The following TOP2A variants were observed in gnomAD, a reference collection of about 807,000 sequenced individuals.
The protein encoded by TOP2A is DNA topoisomerase 2-alpha.
In TOP2A, 68 loss-of-function variants were observed where a neutral mutation model predicts 187.2. The ratio of observed to expected loss-of-function variants is 0.36; its 90% CI spans 0.30 to 0.44. TOP2A has a LOEUF of 0.44. Among genes scored for constraint, TOP2A ranks in the 20% least tolerant of loss-of-function variants. The pLI, the probability that TOP2A is intolerant of heterozygous loss-of-function variation, is 1.00. For missense variants in TOP2A, 1,196 were observed against 1,808.7 expected (o/e 0.66, Z 6.14); for synonymous variants, 542 against 593.2 (o/e 0.91, Z 1.25).
Position 40,400,226 on chromosome 17 carries a change from G to C in TOP2A, c.2983C>G (p.Leu995Val), listed in dbSNP as rs780186261. ...LHKVFKLQTS[L>V]TCNSMVLFDH... is the part of the protein sequence containing the mutation. ...ATACATACCATAGAGTTGCATGTGA[G>C]ACTAGTTTGGAGTTTGAAGACTTTG... Residue 995 changes from leucine (L) to valine (V), a missense_variant, in exon 23 of 35, where the codon CTC (leucine) becomes GTC (valine). By Grantham distance (32) the Leu-to-Val change is conservative. This residue lies in a region of TOP2A where 232 missense variants were observed against 306.1 expected (regional missense o/e 0.76). Coordinates refer to ENST00000423485, the MANE Select transcript of TOP2A (RefSeq NM_001067.4). The C allele has an allele frequency of 6.2e-7, 1 of 1,613,854 alleles. No individual in the cohort carries two copies. The highest frequency in any genetic ancestry group is 1.1e-5 in the South Asian group (1 of 91,082).
chr17:40,407,746 G>A, intron 12 of TOP2A, 72 bp from the exon 13 acceptor site: 1 of 1,416,014 alleles, frequency 7.1e-7, no homozygotes, highest in Admixed American at 2.9e-5. Context: ...AACAGTATAT[G>A]TTGCTTGGAT....
chr17:40,395,210 G>C (rs1169861241), intron 29 of TOP2A, among the ~76,000 whole-genome samples: 1 of 150,616 alleles, frequency 6.6e-6, no homozygotes, highest in Admixed American at 6.7e-5. Flanking sequence ...TTGAACCCAG[G>C]AGGTGAAGAT....
chr17:40,397,291 T>A (rs1325499571), intron 27 of TOP2A, among the ~76,000 whole-genome samples: 1 of 151,102 alleles, frequency 6.6e-6, no homozygotes, highest in African/African-American at 2.4e-5. Context: ...TCTCCTTTTT[T>A]TTTTTTTTTT....
chr17:40,406,744 C>T, intron 14 of TOP2A, 55 bp from the exon 15 acceptor site: 1 of 1,566,822 alleles, frequency 6.4e-7, no homozygotes, highest in Non-Finnish European at 8.8e-7. Flanking sequence ...CCCTGTATAC[C>T]ACTACATGTG....
chr17:40,400,920 G>C lies in TOP2A; in HGVS notation c.2594C>G (p.Pro865Arg), dbSNP rs1190028355. The change falls in exon 21 of 35, where the codon CCC becomes CGC. Residue 865 changes from proline to arginine, a missense_variant. Coordinates refer to ENST00000423485, the MANE Select transcript of TOP2A (RefSeq NM_001067.4). ...GIGTGWSCKI[P>R]NFDVREIVNN... ...TACAATTTCACGCACATCAAAGTTG[G>C]GGATTTTGCAGGACCACCCAGTACC... is the stretch of plus-strand genomic sequence containing the variant. The C allele has an allele frequency of 6.2e-7, 1 of 1,613,876 alleles. No individual in the cohort carries two copies. The highest frequency in any genetic ancestry group is 1.3e-5 in the African/African-American group (1 of 74,976).
chr17:40,398,525 A>C (rs889624495), intron 27 of TOP2A, 33 bp downstream of exon 27: 1 of 1,506,028 alleles, frequency 6.6e-7, no homozygotes, highest in Non-Finnish European at 9.0e-7. Flanking sequence ...TTCATTAATA[A>C]AAATTCTAAC....
At chr17:40,389,728 T>C in intron 34 of TOP2A, 81 bp from the exon 35 acceptor site, 2 of 1,496,124 alleles carry the variant, frequency 1.3e-6, no homozygotes, top group Non-Finnish European at 1.8e-6. Flanking sequence ...ATCAAGACAC[T>C]ATATTCAAGG....
At chr17:40,402,775 T>A (rs1430025472) in intron 20 of TOP2A, 131 bp downstream of exon 20, 1 of 915,856 alleles carries the variant, frequency 1.1e-6, no homozygotes, top group African/African-American at 1.7e-5. Context: ...TGTATAAGCC[T>A]CACCCCTGGC....
intron 1 of TOP2A, among the ~76,000 whole-genome samples, chr17:40,417,363 C>A (rs1290797439): frequency 1.3e-5 from 2 of 152,104 alleles, no homozygotes; most frequent in African/African-American, 4.8e-5. Flanking sequence ...TGTAAGCTGG[C>A]CAGCTGCTCC....
intron 33 of TOP2A, chr17:40,391,182 A>G (rs950784426): frequency 2.5e-5 from 5 of 198,816 alleles, no homozygotes; most frequent in African/African-American, 1.2e-4. Flanking sequence ...TAGCCTCCCA[A>G]AGTGCTGGGA....
chr17:40,395,323 A>T, intron 29 of TOP2A, 126 bp downstream of exon 29: 11 of 340,042 alleles, frequency 3.2e-5, no homozygotes, highest in Middle Eastern at 9.8e-4. Context: ...AGTAGAATTG[A>T]GATACAGTCC....
chr17:40,398,534 A>C (rs1428421984), intron 27 of TOP2A, 24 bp downstream of exon 27: 5 of 1,530,846 alleles, frequency 3.3e-6, no homozygotes, highest in Non-Finnish European at 4.4e-6. Context: ...AAAAATTCTA[A>C]CATGGGCATT....
intron 18 of TOP2A, 45 bp from the exon 19 acceptor site, chr17:40,404,318 C>T: frequency 6.2e-7 from 1 of 1,608,334 alleles, no homozygotes; most frequent in Non-Finnish European, 8.5e-7. Context: ...TCAATTTAAC[C>T]AATTTTGGAA....
Position 40,400,407 on chromosome 17 carries a change from T to C in TOP2A, c.2802A>G (p.Thr934=). 7 of 1,613,056 alleles carry C rather than the reference T, an allele frequency of 4.3e-6. No individual in the cohort carries two copies. Among genetic ancestry groups the C allele is most frequent in the Non-Finnish European group, 5.1e-6 (6 of 1,179,644 alleles). Residue 934 remains threonine, a splice_region_variant and synonymous_variant, in exon 23 of 35, where the codon ACA becomes ACG. Coordinates refer to ENST00000423485, the MANE Select transcript of TOP2A (RefSeq NM_001067.4). ...TGGGTTCTAGAACTTGTTCTTTGTA[T>C]GTCTAAAGAAAGAAATAATCCTGAA... ...SELPVRTWTQ[T]YKEQVLEPML... is the part of the protein sequence containing the mutation.
chr17:40,413,840 T>C (rs1271793013), intron 4 of TOP2A, among the ~76,000 whole-genome samples: 4 of 151,862 alleles, frequency 2.6e-5, no homozygotes, highest in Non-Finnish European at 5.9e-5. Flanking sequence ...CTACTAAAAA[T>C]AAAAAAAATT....
At position 40,389,598 on chromosome 17, in the gene TOP2A, A is replaced by G; in HGVS notation, c.4517T>C (p.Val1506Ala). Residue 1506 changes from valine to alanine, a missense_variant, in exon 35 of 35, where the codon GTG (valine) becomes GCG (alanine). Val to Ala is a moderately conservative substitution (Grantham distance 64). Transcript: ENST00000423485. ...CCGTACAGATTTTGCCCGAGGAGCCACAGCTGAGTCAAAGTCCATATGGAA... is the reference window on the plus strand; with the variant it reads ...CCGTACAGATTTTGCCCGAGGAGCCGCAGCTGAGTCAAAGTCCATATGGAA... ...DDFHMDFDSA[V>A]APRAKSVRAK... The G allele has an allele frequency of 6.2e-7, 1 of 1,604,254 alleles. No homozygotes were observed. Among genetic ancestry groups the G allele is most frequent in the Non-Finnish European group, 8.5e-7 (1 of 1,174,328 alleles).
Position 40,411,231 on chromosome 17 carries a change from A to G in TOP2A, c.1081T>C (p.Trp361Arg), listed in dbSNP as rs2035317886. Residue 361 changes from tryptophan to arginine, a missense_variant, in exon 10 of 35, where the codon TGG (tryptophan) becomes CGG (arginine). By Grantham distance (101) the Trp-to-Arg change is moderately radical. This residue lies in a region of TOP2A where 252 missense variants were observed against 434.8 expected (regional missense o/e 0.58). Transcript: ENST00000423485. The surrounding 1 kb of genome is among the most constrained non-coding windows in gnomAD (Gnocchi z 4.4). ...TCAATTAAGGCATTTACAAAAATCCACATGTGATTTTTCACCTGCAATAGA... is the reference window on the plus strand; with the variant it reads ...TCAATTAAGGCATTTACAAAAATCCGCATGTGATTTTTCACCTGCAATAGA... ...VKAHQVKNHM[W>R]IFVNALIENP... 1.4e-5 allele frequency: 22 copies of G among 1,613,030 alleles called. No homozygotes were observed. The highest frequency in any genetic ancestry group is 1.8e-5 in the Non-Finnish European group (21 of 1,179,656).
Position 40,411,926 on chromosome 17 carries a change from C to A in TOP2A, c.790-108G>T. 1 of 917,866 alleles carries A rather than the reference C, an allele frequency of 1.1e-6. No individual in the cohort carries two copies. Among genetic ancestry groups the A allele is most frequent in the African/African-American group, 1.7e-5 (1 of 59,506 alleles). The allele number at this position is 917,866 out of a possible 1,614,324, so 56.9% of individuals were successfully genotyped here. On this transcript the variant is annotated intron_variant, in intron 7 of 34. Coordinates refer to ENST00000423485, the MANE Select transcript of TOP2A (RefSeq NM_001067.4). This position sits in a 1 kb window ranked among gnomAD's most constrained non-coding sequence, Gnocchi z 4.4. ...CAATGCAATGATGTTCACTGATAGG[C>A]ATAAGGGAATGGTCATTAAAGGACA...
At chr17:40,395,985 CTTT>C (rs59214602) in intron 28 of TOP2A, among the ~76,000 whole-genome samples, 1 of 142,548 alleles carries the variant, frequency 7.0e-6, no homozygotes. Flanking sequence ...AGTATTACCT[CTTT>C]TTTTTTTTTG....
Sources: allele counts gnomAD v4.1 joint callset (sites outside exome capture counted in the v4.1 genomes callset), GRCh38; gene constraint gnomAD v4.1.1; regional missense constraint gnomAD v4.1.1; non-coding constraint Gnocchi (gnomAD v3.1); transcripts MANE v1.5; gene names NCBI Gene and HGNC (gene_info 2026-07-23, HGNC 2026-07-21).